CCNH: variants seen among roughly 807,000 people sequenced by gnomAD.
CCNH encodes the protein cyclin-H.
Under a neutral mutation model 41.9 loss-of-function variants are expected in CCNH, and 31 were observed. That is an observed-to-expected ratio of 0.74 (90% CI 0.56 to 1.00). CCNH has a LOEUF of 1.00. Ranked by LOEUF, CCNH falls within the 50% of genes least tolerant of loss-of-function variation. CCNH has a pLI of 0.00. For missense variants in CCNH, 362 were observed against 388.4 expected, an observed-to-expected ratio of 0.93 and a Z score of 0.57; for synonymous variants, 138 against 136.1, an observed-to-expected ratio of 1.01 and a Z score of -0.10.
At chr5:87,394,269 C>A, downstream of CCNH, 1 of 1,313,946 alleles carries the variant, frequency 7.6e-7, no homozygotes, top group East Asian at 2.9e-5. Flanking sequence ...AGGTGCTATT[C>A]TAGCTCTTTT....
Position 87,412,776 on chromosome 5 carries a change from G to C in CCNH, c.19C>G (p.Gln7Glu). 1 of 1,614,190 alleles carries C rather than the reference G, an allele frequency of 6.2e-7. No homozygotes were observed. Among genetic ancestry groups the C allele is most frequent in the Non-Finnish European group, 8.5e-7 (1 of 1,180,030 alleles). ...CTGGAGAAGGTCCAGTGCCGCTTCTGACTACTGTTGTGGTACATTATGGAA... is the reference window on the plus strand; with the variant it reads ...CTGGAGAAGGTCCAGTGCCGCTTCTCACTACTGTTGTGGTACATTATGGAA... MYHNSSQKRHWTFSSEE... is the reference protein window; with the variant it reads MYHNSSEKRHWTFSSEE... Residue 7 changes from glutamine (Q) to glutamate (E), a missense_variant, in exon 1 of 9, where the codon CAG becomes GAG. Transcript: ENST00000256897.
At chr5:87,344,565 A>G (rs1758706928) in intron 9 of CCNH, among the ~76,000 whole-genome samples, 1 of 152,004 alleles carries the variant, frequency 6.6e-6, no homozygotes, top group Non-Finnish European at 1.5e-5. Flanking sequence ...GCCGGAGTGC[A>G]GTAGTGCTAT....
chr5:87,388,250 T>C (rs1762204708), downstream of CCNH, among the ~76,000 whole-genome samples: 1 of 152,218 alleles, frequency 6.6e-6, no homozygotes, highest in Non-Finnish European at 1.5e-5. Context: ...AGTAACTGTG[T>C]TTCTCTGTCC....
chr5:87,317,676 C>G (rs1425103170), downstream of CCNH, among the ~76,000 whole-genome samples: 2 of 150,760 alleles, frequency 1.3e-5, no homozygotes, highest in African/African-American at 4.9e-5. Context: ...TGCTCTGTTG[C>G]CCAGGCTGAA....
intron 9 of CCNH, chr5:87,333,188 G>A (rs1757721042): frequency 6.4e-7 from 1 of 1,557,748 alleles, no homozygotes; most frequent in South Asian, 1.2e-5. Context: ...ATTTTTATTG[G>A]CTTTATGTGG....
At chr5:87,401,854 T>C (rs993712510) in intron 5 of CCNH, 82 bp from the exon 6 acceptor site, 1 of 831,992 alleles carries the variant, frequency 1.2e-6, no homozygotes, top group Non-Finnish European at 1.8e-6. Flanking sequence ...TTTTCCTCCA[T>C]CCTCATCAAA....
chr5:87,376,672 C>T, exon 1 of CCNH: 2 of 1,371,242 alleles, frequency 1.5e-6, no homozygotes, highest in Non-Finnish European at 2.0e-6. Context: ...CTTAGTAGCA[C>T]AATGATGCCA....
chr5:87,360,862 A>G (rs77799899), intron 9 of CCNH, among the ~76,000 whole-genome samples: 1,817 of 152,262 alleles, frequency 0.012, 28 homozygotes, highest in African/African-American at 0.041. Flanking sequence ...CTAATTGTCA[A>G]ACATCTTCCT....
At chr5:87,362,521 G>T in intron 9 of CCNH, 1 of 1,567,554 alleles carries the variant, frequency 6.4e-7, no homozygotes, top group Non-Finnish European at 8.8e-7. Flanking sequence ...AAGAATGTAT[G>T]AAATAATTTT....
intron 9 of CCNH, among the ~76,000 whole-genome samples, chr5:87,341,788 C>A (rs1237375680): frequency 6.6e-6 from 1 of 152,042 alleles, no homozygotes; most frequent in African/African-American, 2.4e-5. Flanking sequence ...AGATCTGAAC[C>A]ATTAATCCCA....
downstream of CCNH, chr5:87,391,729 T>C (rs986841275): frequency 3.0e-5 from 7 of 232,736 alleles, no homozygotes; most frequent in African/African-American, 1.3e-4. Flanking sequence ...GTTCATTATT[T>C]GTGCTACCCC....
At position 87,403,320 on chromosome 5, in the gene CCNH, A is replaced by G. The variant is rs531177011; in HGVS notation, c.689+1524T>C. Among the ~76,000 whole-genome samples, 26 of 152,252 alleles carry G rather than the reference A, an allele frequency of 1.7e-4. No individual in the cohort carries two copies. The South Asian group carries it at 4.8e-3, about 28-fold the overall frequency. On this transcript the variant is annotated intron_variant, in intron 5 of 8. Transcript: ENST00000256897. Reference sequence around the variant, plus strand: ...AGGAGCCAAAGGTATGGCAATTTCAATTTTGCCTTCCTGGAATTATAATGA... The same window carrying G: ...AGGAGCCAAAGGTATGGCAATTTCAGTTTTGCCTTCCTGGAATTATAATGA...
intron 9 of CCNH, among the ~76,000 whole-genome samples, chr5:87,348,629 ATTAC>A (rs2112419695): frequency 6.6e-6 from 1 of 151,490 alleles, no homozygotes; most frequent in East Asian, 1.9e-4. Flanking sequence ...TATTACAGTT[ATTAC>A]TTTTTAATTT....
At position 87,412,880 on chromosome 5, in the gene CCNH, C is replaced by A. The variant is rs947241952; in HGVS notation, c.-86G>T. The A allele has an allele frequency of 6.4e-7, 1 of 1,550,824 alleles. No homozygotes were observed. The highest frequency in any genetic ancestry group is 1.4e-5 in the African/African-American group (1 of 73,632). On this transcript the variant is annotated 5_prime_UTR_variant, in exon 1 of 9. Coordinates refer to ENST00000256897, the MANE Select transcript of CCNH (RefSeq NM_001239.4). Reference sequence around the variant, plus strand: ...TGGCGTAAAACACCCGTACCCCCACCGAAGATCTCGCGGAAGCCTAGGGCG... The same window carrying A: ...TGGCGTAAAACACCCGTACCCCCACAGAAGATCTCGCGGAAGCCTAGGGCG...
chr5:87,377,865 AT>A (rs1201761770), upstream of CCNH, among the ~76,000 whole-genome samples: 1 of 152,132 alleles, frequency 6.6e-6, no homozygotes, highest in East Asian at 1.9e-4. Flanking sequence ...CAAAATATAG[AT>A]TTGTCAAGGA....
At chr5:87,330,738 T>C (rs533267870) in intron 9 of CCNH, among the ~76,000 whole-genome samples, 12 of 152,298 alleles carry the variant, frequency 7.9e-5, no homozygotes, top group African/African-American at 2.9e-4. Flanking sequence ...TTCTCCCACA[T>C]GTTTGTTACA....
intron 1 of CCNH, among the ~76,000 whole-genome samples, chr5:87,412,002 C>CCAT (rs1764286659): frequency 6.6e-6 from 1 of 152,200 alleles, no homozygotes; most frequent in Admixed American, 6.5e-5. Flanking sequence ...ATAGTCCAAA[C>CCAT]CATCTTCAGT....
At chr5:87,377,111 T>A in exon 1 of CCNH, 1 of 1,490,232 alleles carries the variant, frequency 6.7e-7, no homozygotes, top group South Asian at 1.1e-5. Flanking sequence ...ATATGGACTC[T>A]ATCTCTGAAT....
chr5:87,354,895 A>AAAT (rs1010932490), intron 9 of CCNH, among the ~76,000 whole-genome samples: 2 of 152,208 alleles, frequency 1.3e-5, no homozygotes, highest in Non-Finnish European at 2.9e-5. Context: ...ATTGAAGATT[A>AAAT]AACCAGGGAT....
Sources: gnomAD v4.1 joint callset for allele counts (sites outside exome capture counted in the v4.1 genomes callset) on GRCh38, gnomAD v4.1.1 for gene constraint, MANE v1.5 for transcripts, NCBI Gene and HGNC (gene_info 2026-07-23, HGNC 2026-07-21) for gene names.